Variants in TJAP1 observed in about 807,000 individuals in gnomAD.
The protein encoded by TJAP1 is tight junction associated protein 1.
In TJAP1, 27 loss-of-function variants were observed where a neutral mutation model predicts 42.0. That is an observed-to-expected ratio of 0.64 (90% CI 0.47 to 0.89). The LOEUF is 0.89. TJAP1 is among the 40% of genes least tolerant of loss of function. The probability of loss-of-function intolerance (pLI) is 0.00; values close to 1 mark genes in which losing one functional copy is unlikely to be tolerated. For missense variants in TJAP1, 712 were observed against 726.9 expected (o/e 0.98, Z 0.24); for synonymous variants, 257 against 288.4 (o/e 0.89, Z 1.10).
chr6:43,490,873 G>A (rs1787661678), intron 2 of TJAP1, among the ~76,000 whole-genome samples: 1 of 152,254 alleles, frequency 6.6e-6, no homozygotes, highest in South Asian at 2.1e-4. Flanking sequence ...ATGGGTGCGT[G>A]CAGCCTGGCT....
Position 43,502,076 on chromosome 6 carries a change from A to ACTCTCT in TJAP1, c.291-177_291-172dup, listed in dbSNP as rs529451483. On this transcript the variant is annotated intron_variant, in intron 6 of 10. Transcript: ENST00000372449. Reference sequence around the variant, plus strand: ...CACACACACACACACACACACACACACTCTCTCTCTCTCTCTCTCTCTCTC... The same window carrying ACTCTCT: ...CACACACACACACACACACACACACACTCTCTCTCTCTCTCTCTCTCTCTCTCTCTC... Among the ~76,000 whole-genome samples the ACTCTCT allele has an allele frequency of 3.0e-3, 205 of 68,956 alleles. 17 individuals carry two copies. Among genetic ancestry groups the ACTCTCT allele is most frequent in the East Asian group, 6.3e-3 (17 of 2,704 alleles). The allele number at this position is 68,956 out of a possible 152,430, so 45.2% of individuals were successfully genotyped here. A position where few individuals can be genotyped will look rare whatever the true frequency, so the allele number is the denominator to read the frequency against.
chr6:43,479,628 A>G (rs962765023), intron 2 of TJAP1, among the ~76,000 whole-genome samples: 1 of 152,144 alleles, frequency 6.6e-6, no homozygotes, highest in Admixed American at 6.6e-5. Flanking sequence ...GTGAATACCC[A>G]TTGTACTCCA....
intron 2 of TJAP1, among the ~76,000 whole-genome samples, chr6:43,478,442 A>G (rs905095930): frequency 6.6e-6 from 1 of 152,194 alleles, no homozygotes; most frequent in Non-Finnish European, 1.5e-5. Flanking sequence ...GTGTGCCTTC[A>G]CCTATGCAAG....
At chr6:43,484,081 A>G (rs1006818594) in intron 2 of TJAP1, among the ~76,000 whole-genome samples, 1 of 151,138 alleles carries the variant, frequency 6.6e-6, no homozygotes, top group African/African-American at 2.5e-5. Flanking sequence ...AAAATTAAAA[A>G]CAAAAAAAAA....
intron 10 of TJAP1, 117 bp from the exon 11 acceptor site, chr6:43,504,644 T>C (rs983033952): frequency 1.5e-6 from 2 of 1,298,852 alleles, no homozygotes; most frequent in Non-Finnish European, 2.1e-6. Flanking sequence ...GAACAGGAGA[T>C]AGCAGAGTGC....
At chr6:43,502,467 C>A in intron 7 of TJAP1, 118 bp downstream of exon 7, 1 of 1,489,578 alleles carries the variant, frequency 6.7e-7, no homozygotes, top group Non-Finnish European at 9.2e-7. Context: ...TGGGATGGGG[C>A]AGTGGTGGGG....
chr6:43,482,281 T>A (rs1454853092), intron 2 of TJAP1, among the ~76,000 whole-genome samples: 1 of 152,202 alleles, frequency 6.6e-6, no homozygotes, highest in Non-Finnish European at 1.5e-5. Flanking sequence ...CCCTTTATTG[T>A]TTTCTTTGTT....
chr6:43,501,379 A>G, intron 5 of TJAP1, 147 bp from the exon 6 acceptor site: 1 of 712,926 alleles, frequency 1.4e-6, no homozygotes, highest in South Asian at 1.9e-5. Context: ...ATGCTGCCTT[A>G]GACTCAGACT....
At chr6:43,489,031 C>T (rs1787207949) in intron 2 of TJAP1, among the ~76,000 whole-genome samples, 2 of 152,218 alleles carry the variant, frequency 1.3e-5, no homozygotes, top group African/African-American at 4.8e-5. Context: ...GAGAGGACCC[C>T]TCTCTTGTCT....
chr6:43,502,763 A>G (rs962922044), intron 8 of TJAP1, 146 bp downstream of exon 8: 52 of 904,288 alleles, frequency 5.8e-5, no homozygotes, highest in Middle Eastern at 2.2e-4. Context: ...TTAACTGTCA[A>G]TGCCTCCCTC....
At chr6:43,500,976 G>A in intron 5 of TJAP1, 1 of 614,822 alleles carries the variant, frequency 1.6e-6, no homozygotes, top group South Asian at 2.0e-5. Flanking sequence ...TGGGCTTCAA[G>A]AGAGCGTAGA....
chr6:43,504,652 T>C (rs1582135565), intron 10 of TJAP1, 109 bp from the exon 11 acceptor site: 1 of 1,350,970 alleles, frequency 7.4e-7, no homozygotes, highest in Admixed American at 2.0e-5. Flanking sequence ...GATAGCAGAG[T>C]GCTGAGTACA....
At chr6:43,502,076 A>ACACACACACACACTCTCT (rs767085594) in intron 6 of TJAP1, among the ~76,000 whole-genome samples, 26 of 68,956 alleles carry the variant, frequency 3.8e-4, no homozygotes, top group African/African-American at 2.0e-3. Flanking sequence ...ACACACACAC[A>ACACACACACACACTCTCT]CTCTCTCTCT....
chr6:43,501,178 G>T (rs1444801040), intron 5 of TJAP1: 4 of 376,296 alleles, frequency 1.1e-5, no homozygotes, highest in Non-Finnish European at 1.9e-5. Context: ...GGGGAAACTG[G>T]AGCTGGGGGC....
At chr6:43,501,804 C>G in intron 6 of TJAP1, 117 bp downstream of exon 6, 1 of 620,142 alleles carries the variant, frequency 1.6e-6, no homozygotes, top group Non-Finnish European at 2.9e-6. Flanking sequence ...TCTCTCCTTT[C>G]ATAGGAGGTT....
At position 43,504,854 on chromosome 6, in the gene TJAP1, G is replaced by C. The variant is rs201454123; in HGVS notation, c.673G>C (p.Ala225Pro). 94 of 1,614,080 alleles carry C rather than the reference G, an allele frequency of 5.8e-5. No individual in the cohort carries two copies. The African/African-American group carries it at 1.1e-3, about 20-fold the overall frequency. ...TCCTGCTCCCAGCCTAGCCCCAGGGGCTGTGGTGCCTACCTCAGTCATTGC... is the reference window on the plus strand; with the variant it reads ...TCCTGCTCCCAGCCTAGCCCCAGGGCCTGTGGTGCCTACCTCAGTCATTGC... Residue 225 changes from alanine to proline, a missense_variant, in exon 11 of 11, where the codon GCT becomes CCT. By Grantham distance (27) the Ala-to-Pro change is conservative. Around this residue, in one of 3 missense-constraint regions of TJAP1, gnomAD observed 549 missense variants for 528.2 expected, o/e 1.04. Transcript: ENST00000372449.
chr6:43,501,737 C>T (rs1376681810), intron 6 of TJAP1, 50 bp downstream of exon 6: 23 of 695,254 alleles, frequency 3.3e-5, no homozygotes, highest in Non-Finnish European at 5.6e-5. Flanking sequence ...CACACACACA[C>T]ACACACACAC....
At chr6:43,490,408 T>A (rs1787549472) in intron 2 of TJAP1, among the ~76,000 whole-genome samples, 3 of 152,248 alleles carry the variant, frequency 2.0e-5, no homozygotes. Context: ...CTGCTGCTGC[T>A]TCTCATGCCT....
exon 11 of TJAP1, chr6:43,506,134 C>T (rs1207211329): frequency 3.0e-6 from 1 of 337,898 alleles, no homozygotes; most frequent in Non-Finnish European, 5.3e-6. Context: ...TCCAATCAGC[C>T]CAACCCAGCC....
Sources: gnomAD v4.1 joint callset for allele counts (sites outside exome capture counted in the v4.1 genomes callset) on GRCh38, gnomAD v4.1.1 for gene constraint, gnomAD v4.1.1 regional missense constraint, MANE v1.5 for transcripts, NCBI Gene and HGNC (gene_info 2026-07-23, HGNC 2026-07-21) for gene names.